The following TAPT1 variants were observed in gnomAD, a reference collection of about 807,000 sequenced individuals.
TAPT1 encodes transmembrane anterior posterior transformation 1, also known as transmembrane anterior posterior transformation protein 1 homolog.
TAPT1 carries 28 observed loss-of-function variants against 65.6 expected under a neutral mutation model. That is an observed-to-expected ratio of 0.43 (90% CI 0.32 to 0.59). TAPT1 has a LOEUF of 0.59. Among genes scored for constraint, TAPT1 ranks in the 20% least tolerant of loss-of-function variants. The pLI is 0.09. For synonymous variants in TAPT1, 278 were observed against 245.2 expected (o/e 1.13, Z -1.25); for missense variants, 563 against 679.9 (o/e 0.83, Z 1.91).
At chr4:16,226,548 G>A, upstream of TAPT1, 3 of 855,994 alleles carry the variant, frequency 3.5e-6, no homozygotes, top group Non-Finnish European at 4.2e-6. Context: ...CCTCGCCGGA[G>A]CCCGAGCCGC....
At chr4:16,219,757 T>C (rs891560097) in intron 1 of TAPT1, among the ~76,000 whole-genome samples, 1 of 152,212 alleles carries the variant, frequency 6.6e-6, no homozygotes, top group Admixed American at 6.5e-5. Flanking sequence ...GAGCAATTAA[T>C]GGTGTCCATA....
At chr4:16,196,557 T>G in intron 3 of TAPT1, 2 of 487,762 alleles carry the variant, frequency 4.1e-6, no homozygotes, top group Non-Finnish European at 7.5e-6. Flanking sequence ...TCAGTATGTT[T>G]CTACCCCCTA....
chr4:16,174,874 T>C (rs978395992), intron 9 of TAPT1, 145 bp from the exon 10 acceptor site: 2 of 544,416 alleles, frequency 3.7e-6, no homozygotes, highest in Non-Finnish European at 3.1e-6. Context: ...TAATTTCTTA[T>C]TTGTTTTCCT....
At chr4:16,227,077 T>A (rs1227921953), upstream of TAPT1, 1 of 454,742 alleles carries the variant, frequency 2.2e-6, no homozygotes, top group Non-Finnish European at 4.4e-6. Flanking sequence ...CCATCTCTTC[T>A]GCATATTTAT....
chr4:16,170,560 G>C, intron 12 of TAPT1, 93 bp downstream of exon 12: 1 of 840,394 alleles, frequency 1.2e-6, no homozygotes, highest in Non-Finnish European at 1.9e-6. Context: ...GGCATAGACT[G>C]GGAGTAGTAT....
chr4:16,186,644 C>T, intron 6 of TAPT1, 40 bp from the exon 7 acceptor site: 2 of 1,451,128 alleles, frequency 1.4e-6, no homozygotes, highest in Non-Finnish European at 1.9e-6. Flanking sequence ...ATGATTATAA[C>T]AGTTTAAAAA....
At chr4:16,189,783 G>A (rs148958916) in intron 4 of TAPT1, among the ~76,000 whole-genome samples, 90 of 152,096 alleles carry the variant, frequency 5.9e-4, no homozygotes, top group African/African-American at 2.0e-3. Flanking sequence ...CCTTTTTCTC[G>A]GCCTATTTTC....
At chr4:16,214,213 T>C (rs1299119949) in intron 1 of TAPT1, among the ~76,000 whole-genome samples, 2 of 152,120 alleles carry the variant, frequency 1.3e-5, no homozygotes, top group Admixed American at 6.5e-5. Flanking sequence ...CTGACAGACA[T>C]GGAAGGAAAA....
chr4:16,187,338 G>T (rs317870), intron 5 of TAPT1, among the ~76,000 whole-genome samples: 71,763 of 152,010 alleles, frequency 0.47, 18,137 homozygotes, highest in African/African-American at 0.66. Flanking sequence ...TCTTCCCTGA[G>T]TCTTCAGGAA....
intron 2 of TAPT1, among the ~76,000 whole-genome samples, chr4:16,205,457 T>G (rs558971853): frequency 6.6e-6 from 1 of 152,308 alleles, no homozygotes; most frequent in East Asian, 1.9e-4. Flanking sequence ...CATATCTTGC[T>G]TAATACTGCA....
intron 9 of TAPT1, chr4:16,175,052 T>C (rs1748238615): frequency 5.9e-6 from 1 of 168,464 alleles, no homozygotes; most frequent in South Asian, 2.0e-4. Context: ...TAAAATAATT[T>C]TGAAATTTTA....
chr4:16,176,199 A>C lies in TAPT1; in HGVS notation c.1027T>G (p.Cys343Gly). 6.4e-7 allele frequency: 1 copy of C among 1,570,912 alleles called. No homozygotes were observed. Among genetic ancestry groups the C allele is most frequent in the South Asian group, 1.2e-5 (1 of 84,268 alleles). ...GCAATTTCTGATGCAATTACCATACAGACATCTGGAAACAACACCCAGAGA... is the reference window on the plus strand; with the variant it reads ...GCAATTTCTGATGCAATTACCATACCGACATCTGGAAACAACACCCAGAGA... ...DHLWVLFPDV[C>G]MVIASEIAVD... Residue 343 changes from cysteine (C) to glycine (G), a missense_variant, in exon 9 of 14, where the codon TGT (cysteine) becomes GGT (glycine). Physicochemically the swap from Cys to Gly is radical, Grantham distance 159. Coordinates refer to ENST00000405303, the MANE Select transcript of TAPT1 (RefSeq NM_153365.3).
At position 16,163,021 on chromosome 4, in the gene TAPT1, G is replaced by A; in HGVS notation, c.*287C>T. ...CTGACAAAGCAAAACAGATTTTGAT[G>A]TTGCCTTTGTTGGGTCCTGGAAATG... On this transcript the variant is annotated 3_prime_UTR_variant, in exon 14 of 14. Coordinates refer to ENST00000405303, the MANE Select transcript of TAPT1 (RefSeq NM_153365.3). 1 of 517,916 alleles carries A rather than the reference G, an allele frequency of 1.9e-6. No individual in the cohort carries two copies. Among genetic ancestry groups the A allele is most frequent in the South Asian group, 1.5e-5 (1 of 65,102 alleles). The allele number at this position is 517,916 out of a possible 1,614,324, so 32.1% of individuals were successfully genotyped here. A position where few individuals can be genotyped will look rare whatever the true frequency, so the allele number is the denominator to read the frequency against.
At chr4:16,199,758 A>AT (rs1391816003) in intron 3 of TAPT1, among the ~76,000 whole-genome samples, 1 of 152,028 alleles carries the variant, frequency 6.6e-6, no homozygotes, top group Admixed American at 6.6e-5. Flanking sequence ...CAACTGGCTA[A>AT]TTTTTTATTT....
At chr4:16,166,971 C>T (rs374178469) in intron 12 of TAPT1, 178 bp from the exon 13 acceptor site, 100 of 427,754 alleles carry the variant, frequency 2.3e-4, no homozygotes, top group African/African-American at 1.8e-3. Context: ...CAAAGAAAAA[C>T]TTCGGAATTC....
At chr4:16,187,024 A>G in intron 5 of TAPT1, 146 bp from the exon 6 acceptor site, 1 of 599,318 alleles carries the variant, frequency 1.7e-6, no homozygotes, top group South Asian at 2.2e-5. Flanking sequence ...TTTCCCTATT[A>G]GCTATAGTTG....
intron 3 of TAPT1, among the ~76,000 whole-genome samples, chr4:16,196,390 T>A (rs1429829645): frequency 6.6e-6 from 1 of 152,230 alleles, no homozygotes; most frequent in Non-Finnish European, 1.5e-5. Context: ...GGGGATGAAG[T>A]ATTTGCTAAG....
chr4:16,179,918 A>G (rs953011826), intron 7 of TAPT1, among the ~76,000 whole-genome samples: 6 of 152,116 alleles, frequency 3.9e-5, no homozygotes, highest in Non-Finnish European at 7.3e-5. Context: ...TAAACTTCAA[A>G]AAGTATTCAA....
intron 13 of TAPT1, 36 bp from the exon 14 acceptor site, chr4:16,163,573 C>G: frequency 6.8e-7 from 1 of 1,479,552 alleles, no homozygotes; most frequent in Admixed American, 1.9e-5. Context: ...TAGAGAAAGA[C>G]TTTTCTCCAA....
Sources: gnomAD v4.1 joint callset for allele counts (sites outside exome capture counted in the v4.1 genomes callset) on GRCh38, gnomAD v4.1.1 for gene constraint, MANE v1.5 for transcripts, NCBI Gene and HGNC (gene_info 2026-07-23, HGNC 2026-07-21) for gene names.